The following PCSK5 variants were observed in gnomAD, a reference collection of about 807,000 sequenced individuals.
PCSK5 encodes the protein prohormone convertase 5.
PCSK5 carries 129 observed loss-of-function variants against 233.2 expected under a neutral mutation model. That is an observed-to-expected ratio of 0.55 (90% confidence interval 0.48 to 0.64). The LOEUF (loss-of-function observed/expected upper bound fraction) is 0.64, where lower values mean the gene tolerates loss of function less well. PCSK5 is among the 30% of genes least tolerant of loss of function. PCSK5 has a pLI of 0.00. For synonymous variants in PCSK5, 825 were observed against 879.2 expected, an observed-to-expected ratio of 0.94 and a Z score of 1.09; for missense variants, 2,076 against 2,430.1, an observed-to-expected ratio of 0.85 and a Z score of 3.06.
At chr9:76,314,079 T>G (rs929242128) in intron 30 of PCSK5, among the ~76,000 whole-genome samples, 1 of 152,234 alleles carries the variant, frequency 6.6e-6, no homozygotes, top group African/African-American at 2.4e-5. Flanking sequence ...TCTCTTGGAT[T>G]CTTTGAGTGT....
rs375264650 is a variant in PCSK5 at position 76,121,979 on chromosome 9, A to T, written c.1209-12130A>T. On this transcript the variant is annotated intron_variant, in intron 9 of 37. Coordinates refer to ENST00000674117, the MANE Select transcript of PCSK5 (RefSeq NM_001372043.1). ...GCAGGGACTACAGGCGCCCGCCACT[A>T]CGCCCGGCTAATTTTTTGTATTTTT... Among the ~76,000 whole-genome samples the T allele has an allele frequency of 2.9e-5, 3 of 103,988 alleles. 1 individual carries two copies. 68.2% of individuals were successfully genotyped at this position (103,988 alleles called of 152,430 possible).
chr9:76,190,332 AT>A (rs3077112), intron 20 of PCSK5, among the ~76,000 whole-genome samples: 98,437 of 146,014 alleles, frequency 0.67, 33,085 homozygotes, highest in East Asian at 0.81. Context: ...CCCACTACTG[AT>A]TTTTTTTTTT....
intron 9 of PCSK5, among the ~76,000 whole-genome samples, chr9:76,119,818 TTAAA>T (rs1371009310): frequency 1.3e-5 from 2 of 152,000 alleles, no homozygotes; most frequent in African/African-American, 4.8e-5. Context: ...TTAGTTATTT[TTAAA>T]CGTACAATTA....
Position 76,246,673 on chromosome 9 carries a change from C to T in PCSK5, c.3142+5989C>T, listed in dbSNP as rs1826611207. Among the ~76,000 whole-genome samples the T allele has an allele frequency of 2.0e-5, 3 of 152,250 alleles. No homozygotes were observed. In the South Asian group the frequency reaches 6.2e-4, roughly 32 times the overall value. ...TGTGGTAGTAAACTATCAGAAACAACCTAAATGCTTGTCCATGGAAGACTG... is the reference window on the plus strand; with the variant it reads ...TGTGGTAGTAAACTATCAGAAACAATCTAAATGCTTGTCCATGGAAGACTG... On this transcript the variant is annotated intron_variant, in intron 24 of 37. Coordinates refer to ENST00000674117, the MANE Select transcript of PCSK5 (RefSeq NM_001372043.1).
intron 2 of PCSK5, among the ~76,000 whole-genome samples, chr9:75,981,150 T>G (rs1024429104): frequency 2.4e-4 from 36 of 152,238 alleles, no homozygotes; most frequent in African/African-American, 8.7e-4. Context: ...ATTAATCTCG[T>G]ATCTTCACAG....
chr9:76,120,993 A>G (rs1224464944), intron 9 of PCSK5, among the ~76,000 whole-genome samples: 4 of 152,172 alleles, frequency 2.6e-5, no homozygotes, highest in African/African-American at 9.6e-5. Context: ...TACTAAAATA[A>G]GGAAGCTGAT....
At chr9:76,301,758 C>T (rs1405218052) in intron 27 of PCSK5, among the ~76,000 whole-genome samples, 1 of 152,052 alleles carries the variant, frequency 6.6e-6, no homozygotes, top group Admixed American at 6.6e-5. Flanking sequence ...GCAGGAGAAT[C>T]GCTTGAACCT....
chr9:76,162,704 A>G (rs941311492), intron 12 of PCSK5, among the ~76,000 whole-genome samples: 1 of 152,164 alleles, frequency 6.6e-6, no homozygotes, highest in African/African-American at 2.4e-5. Flanking sequence ...TTCTTAAATA[A>G]GAATTCTGAA....
intron 30 of PCSK5, among the ~76,000 whole-genome samples, chr9:76,318,771 T>C (rs1290530918): frequency 6.6e-6 from 1 of 152,230 alleles, no homozygotes; most frequent in Non-Finnish European, 1.5e-5. Flanking sequence ...GTTCCAATCT[T>C]ACAGGGCATT....
chr9:76,330,897 G>A (rs563230150), intron 33 of PCSK5, among the ~76,000 whole-genome samples: 2 of 152,082 alleles, frequency 1.3e-5, no homozygotes, highest in African/African-American at 2.4e-5. Context: ...ATCCCACCCC[G>A]TCGGACCTTC....
At chr9:76,076,687 G>A (rs904722875) in intron 7 of PCSK5, among the ~76,000 whole-genome samples, 6 of 152,156 alleles carry the variant, frequency 3.9e-5, no homozygotes. Context: ...TATAAGATAA[G>A]CATTTGGCTC....
intron 1 of PCSK5, among the ~76,000 whole-genome samples, chr9:75,912,875 G>A (rs1245136900): frequency 1.3e-5 from 2 of 152,132 alleles, no homozygotes; most frequent in Non-Finnish European, 2.9e-5. Flanking sequence ...AAGGGACCTA[G>A]CTCTGGACAC....
At chr9:76,262,045 G>A (rs1827190505) in intron 24 of PCSK5, among the ~76,000 whole-genome samples, 1 of 152,088 alleles carries the variant, frequency 6.6e-6, no homozygotes, top group Admixed American at 6.6e-5. Flanking sequence ...ACACTATGTT[G>A]AATAGGAGTG....
At chr9:76,209,711 C>G (rs1360432193) in intron 20 of PCSK5, among the ~76,000 whole-genome samples, 2 of 151,820 alleles carry the variant, frequency 1.3e-5, no homozygotes. Flanking sequence ...AGCAACTAGT[C>G]CCTGTCAAGG....
chr9:76,062,031 G>C (rs1414340506), intron 5 of PCSK5, among the ~76,000 whole-genome samples: 4 of 152,134 alleles, frequency 2.6e-5, no homozygotes, highest in Non-Finnish European at 5.9e-5. Flanking sequence ...AAATTCACTT[G>C]AGGCCAGAAG....
chr9:75,961,747 T>C (rs1242735350), intron 2 of PCSK5, among the ~76,000 whole-genome samples: 4 of 152,192 alleles, frequency 2.6e-5, no homozygotes, highest in Non-Finnish European at 5.9e-5. Flanking sequence ...GTAAAATAGC[T>C]CATTAGTAAT....
In PCSK5 at chr9:76,315,652, T is replaced by TG. The variant is rs531715122; in HGVS notation, c.3884+4801_3884+4802insG. 7.3e-4 allele frequency among the ~76,000 whole-genome samples: 111 copies of TG among 151,078 alleles called. 1 individual carries two copies. Among genetic ancestry groups the TG allele is most frequent in the African/African-American group, 2.5e-3 (101 of 41,182 alleles). Reference sequence around the variant, plus strand: ...GTGTGGAGAAGACTACTTTTTTTTTTTTTTTTTTTTGAGACAGAGTCTTGC... The same window carrying TG: ...GTGTGGAGAAGACTACTTTTTTTTTTGTTTTTTTTTTGAGACAGAGTCTTGC... On this transcript the variant is annotated intron_variant, in intron 30 of 37. Coordinates refer to ENST00000674117, the MANE Select transcript of PCSK5 (RefSeq NM_001372043.1).
At chr9:75,960,637 G>A (rs1173904292) in intron 2 of PCSK5, among the ~76,000 whole-genome samples, 1 of 152,144 alleles carries the variant, frequency 6.6e-6, no homozygotes, top group East Asian at 1.9e-4. Flanking sequence ...ATATCACAGG[G>A]TTGCATTTAT....
chr9:75,897,739 T>G (rs576856585), intron 1 of PCSK5, among the ~76,000 whole-genome samples: 39 of 152,208 alleles, frequency 2.6e-4, no homozygotes, highest in African/African-American at 8.7e-4. Flanking sequence ...GTGATCCACC[T>G]GCCTTGGTGT....
Sources: allele counts gnomAD v4.1 joint callset (sites outside exome capture counted in the v4.1 genomes callset), GRCh38; gene constraint gnomAD v4.1.1; transcripts MANE v1.5; gene names NCBI Gene and HGNC (gene_info 2026-07-23, HGNC 2026-07-21).